The following CFAP45 variants were observed in gnomAD, a reference collection of about 807,000 sequenced individuals.
The protein encoded by CFAP45 is cilia- and flagella-associated protein 45.
Under a neutral mutation model 75.6 loss-of-function variants are expected in CFAP45, and 43 were observed. The observed-to-expected ratio is 0.57, with a 90% CI of 0.45 to 0.73. CFAP45 has a LOEUF of 0.73. Ranked by LOEUF, CFAP45 falls within the 30% of genes least tolerant of loss-of-function variation. The probability of loss-of-function intolerance (pLI) is 0.00; values close to 1 mark genes in which losing one functional copy is unlikely to be tolerated. For missense variants in CFAP45, 689 were observed against 701.5 expected, an observed-to-expected ratio of 0.98 and a Z score of 0.20; for synonymous variants, 223 against 244.6, an observed-to-expected ratio of 0.91 and a Z score of 0.82.
chr1:159,880,160 T>C (rs1649516834), intron 8 of CFAP45, among the ~76,000 whole-genome samples: 1 of 152,168 alleles, frequency 6.6e-6, no homozygotes, highest in South Asian at 2.1e-4. Flanking sequence ...GGATGTCCAA[T>C]ATAGGCATTT....
chr1:159,893,866 T>C (rs547960515), intron 1 of CFAP45, among the ~76,000 whole-genome samples: 209 of 151,310 alleles, frequency 1.4e-3, no homozygotes, highest in Non-Finnish European at 2.4e-3. Flanking sequence ...TATTACTATA[T>C]ATAAATGTAT....
chr1:159,897,742 T>C (rs549793119), intron 1 of CFAP45, among the ~76,000 whole-genome samples: 44 of 151,966 alleles, frequency 2.9e-4, no homozygotes, highest in Non-Finnish European at 5.3e-4. Flanking sequence ...TTTCCTGCAA[T>C]GAGTAGATAC....
intron 6 of CFAP45, among the ~76,000 whole-genome samples, chr1:159,885,366 A>T (rs560622157): frequency 2.2e-4 from 33 of 152,344 alleles, no homozygotes; most frequent in African/African-American, 7.7e-4. Context: ...CCAGGTACCT[A>T]CCAGAAGTAC....
intron 7 of CFAP45, 97 bp downstream of exon 7, chr1:159,884,339 C>G: frequency 7.7e-7 from 1 of 1,297,874 alleles, no homozygotes; most frequent in Non-Finnish European, 1.1e-6. Context: ...GAGCATGTGC[C>G]TGGCAGAAAA....
intron 6 of CFAP45, 139 bp from the exon 7 acceptor site, chr1:159,884,704 T>C (rs1649634627): frequency 1.2e-6 from 1 of 867,828 alleles, no homozygotes. Flanking sequence ...TGAATATGCT[T>C]CATGAGCCCA....
At chr1:159,890,384 C>G in intron 3 of CFAP45, 96 bp downstream of exon 3, 1 of 1,175,356 alleles carries the variant, frequency 8.5e-7, no homozygotes. Context: ...ATTGGACTGA[C>G]AGAATGAAAC....
chr1:159,890,757 CTTT>C (rs965390100), intron 2 of CFAP45, 135 bp from the exon 3 acceptor site: 2,487 of 316,648 alleles, frequency 7.9e-3, no homozygotes, highest in South Asian at 0.01. Context: ...CTTTTCTTTT[CTTT>C]TTTTTTTTTT....
At chr1:159,885,365 T>C (rs767695270) in intron 6 of CFAP45, among the ~76,000 whole-genome samples, 11 of 152,178 alleles carry the variant, frequency 7.2e-5, no homozygotes, top group Non-Finnish European at 1.3e-4. Context: ...ACCAGGTACC[T>C]ACCAGAAGTA....
chr1:159,883,032 G>T lies in CFAP45; in HGVS notation c.897+1404C>A, dbSNP rs6682796. Among the ~76,000 whole-genome samples the T allele has an allele frequency of 1.3e-4, 20 of 152,070 alleles. No individual in the cohort carries two copies. In the East Asian group the frequency reaches 3.9e-3, roughly 29 times the overall value. On this transcript the variant is annotated intron_variant, in intron 7 of 11. Coordinates refer to ENST00000368099, the MANE Select transcript of CFAP45 (RefSeq NM_012337.3). ...CTCACACTGCAGATGTGATGAGAAG[G>T]CTTCATAATTACAAGTCTGCCCACC...
At chr1:159,886,144 C>A (rs141311721) in intron 6 of CFAP45, among the ~76,000 whole-genome samples, 11 of 152,180 alleles carry the variant, frequency 7.2e-5, no homozygotes, top group African/African-American at 2.2e-4. Context: ...GAGTTTGAGA[C>A]CAGCCTGGCC....
intron 6 of CFAP45, 80 bp from the exon 7 acceptor site, chr1:159,884,645 C>G: frequency 7.1e-7 from 1 of 1,414,796 alleles, no homozygotes; most frequent in South Asian, 1.3e-5. Flanking sequence ...TAAACAACCC[C>G]CAAGATGGGT....
At chr1:159,892,577 C>T (rs1025536521) in intron 2 of CFAP45, among the ~76,000 whole-genome samples, 7 of 152,156 alleles carry the variant, frequency 4.6e-5, no homozygotes, top group African/African-American at 1.7e-4. Flanking sequence ...GTCATATTCT[C>T]TTTTTCTCCT....
At chr1:159,888,221 T>A (rs527619884) in intron 4 of CFAP45, 131 bp downstream of exon 4, 1 of 1,115,124 alleles carries the variant, frequency 9.0e-7, no homozygotes, top group African/African-American at 1.6e-5. Flanking sequence ...CTCTTTGGTC[T>A]CCTTTCTGTA....
intron 3 of CFAP45, among the ~76,000 whole-genome samples, chr1:159,888,761 C>T (rs968164308): frequency 7.2e-6 from 1 of 138,532 alleles, no homozygotes; most frequent in African/African-American, 2.6e-5. Flanking sequence ...CAGCTGAGAC[C>T]CCCCATCATG....
intron 1 of CFAP45, among the ~76,000 whole-genome samples, chr1:159,899,282 C>T (rs1650016843): frequency 6.6e-6 from 1 of 152,160 alleles, no homozygotes; most frequent in African/African-American, 2.4e-5. Flanking sequence ...CTCACTCACT[C>T]ATTTATTCAT....
chr1:159,880,535 C>A lies in CFAP45; in HGVS notation c.1044+19G>T. Reference sequence around the variant, plus strand: ...GACATTCCATTCCTAACCAAAGGTCCCAGAAACCAAGTCCCTACCATCTTC... The same window carrying A: ...GACATTCCATTCCTAACCAAAGGTCACAGAAACCAAGTCCCTACCATCTTC... On this transcript the variant is annotated intron_variant, in intron 8 of 11. Coordinates refer to ENST00000368099, the MANE Select transcript of CFAP45 (RefSeq NM_012337.3). 1 of 1,608,028 alleles carries A rather than the reference C, an allele frequency of 6.2e-7. No homozygotes were observed. The highest frequency in any genetic ancestry group is 8.5e-7 in the Non-Finnish European group (1 of 1,176,724).
intron 3 of CFAP45, 125 bp downstream of exon 3, chr1:159,890,355 G>A: frequency 1.4e-5 from 12 of 850,296 alleles, no homozygotes; most frequent in East Asian, 2.5e-5. Context: ...AGGGGAAAAC[G>A]AATAGGAAAG....
intron 3 of CFAP45, among the ~76,000 whole-genome samples, chr1:159,889,252 T>C (rs2494525): frequency 0.015 from 2,139 of 147,496 alleles, 56 homozygotes; most frequent in African/African-American, 0.051. Context: ...GCAAATGACA[T>C]ATATTAAAGA....
intron 1 of CFAP45, 170 bp downstream of exon 1, chr1:159,899,926 T>C (rs577419777): frequency 1.5e-6 from 1 of 654,494 alleles, no homozygotes; most frequent in South Asian, 2.0e-5. Context: ...CTAATTCCTC[T>C]TTTGAACCCA....
Sources: allele counts gnomAD v4.1 joint callset (sites outside exome capture counted in the v4.1 genomes callset), GRCh38; gene constraint gnomAD v4.1.1; transcripts MANE v1.5; gene names NCBI Gene and HGNC (gene_info 2026-07-23, HGNC 2026-07-21).